PIEZO1: variants seen among roughly 807,000 people sequenced by gnomAD.
The protein encoded by PIEZO1 is piezo type mechanosensitive ion channel component 1 (Er blood group).
A neutral mutation model predicts 297.2 loss-of-function variants in PIEZO1; 296 were observed. The observed-to-expected ratio is 1.00, with a 90% CI of 0.91 to 1.10. The LOEUF is 1.10. Ranked by LOEUF, PIEZO1 falls within the 50% of genes least tolerant of loss-of-function variation. PIEZO1 has a pLI of 0.00. For missense variants in PIEZO1, 5,018 were observed against 3,455.5 expected (o/e 1.45, Z -11.34); for synonymous variants, 2,427 against 1,507.5 (o/e 1.61, Z -14.13).
chr16:88,757,923 C>G (rs1226914972), intron 1 of PIEZO1, among the ~76,000 whole-genome samples: 1 of 152,210 alleles, frequency 6.6e-6, no homozygotes, highest in African/African-American at 2.4e-5. Flanking sequence ...ACAGATTTCA[C>G]AGACTCCAGC....
intron 1 of PIEZO1, among the ~76,000 whole-genome samples, chr16:88,776,029 G>A (rs1015263064): frequency 3.3e-5 from 5 of 152,242 alleles, no homozygotes; most frequent in African/African-American, 9.6e-5. Context: ...GGGGCAGTCG[G>A]GGCCTCAGAG....
chr16:88,784,204 G>A (rs891826263), intron 1 of PIEZO1, among the ~76,000 whole-genome samples: 1 of 152,238 alleles, frequency 6.6e-6, no homozygotes, highest in African/African-American at 2.4e-5. Context: ...CCTGACACCA[G>A]GCCACAGCCT....
rs1434025099 is a variant in PIEZO1 at position 88,715,648 on chromosome 16, C to T, written c.7523G>A (p.Arg2508His). Residue 2508 changes from arginine (R) to histidine (H), a missense_variant, in exon 51 of 51, where the codon CGC becomes CAC. By Grantham distance (29) the Arg-to-His change is conservative (BLOSUM62 0). Transcript: ENST00000301015. ...CCACTTGATCATGGTCTCCGGTGAG[C>T]GGTAGAGGAAGATGAGCTTGGCGTA... Reference protein sequence around the residue: ...ELYAKLIFLYRSPETMIKWTR... With the variant: ...ELYAKLIFLYHSPETMIKWTR... The T allele has an allele frequency of 5.2e-6, 8 of 1,550,134 alleles. No homozygotes were observed. Among genetic ancestry groups the T allele is most frequent in the Non-Finnish European group, 6.1e-6 (7 of 1,146,930 alleles).
chr16:88,722,862 T>G lies in PIEZO1; in HGVS notation c.4643A>C (p.Tyr1548Ser). 1.3e-6 allele frequency: 2 copies of G among 1,547,520 alleles called. No homozygotes were observed. The highest frequency in any genetic ancestry group is 1.7e-4 in the Middle Eastern group (1 of 5,906). Residue 1548 changes from tyrosine (Y) to serine (S), a missense_variant, in exon 34 of 51, where the codon TAC (tyrosine) becomes TCC (serine). Coordinates refer to ENST00000301015, the MANE Select transcript of PIEZO1 (RefSeq NM_001142864.4). ...CTGCAGGAGCTCCTGTGTGAGGAGG[T>G]AGCGCTCTGCCCGCAGCACGTCGCT... The part of the protein sequence containing the change: ...TMSDVLRAER[Y>S]LLTQELLQGG...
Position 88,722,897 on chromosome 16 carries a change from G to C in PIEZO1, c.4608C>G (p.His1536Gln). The change falls in exon 34 of 51, where the codon CAC becomes CAG. Residue 1536 changes from histidine (H) to glutamine (Q), a missense_variant. His to Gln is a conservative substitution (Grantham distance 24, BLOSUM62 0). Transcript: ENST00000301015. ...CCCGCAGCACGTCGCTCATGGTGCC[G>C]TGGTGCCGGGTGAACTCCTGCAGCC... is the stretch of plus-strand genomic sequence containing the variant. ...TRWLQEFTRH[H>Q]GTMSDVLRAE... is the part of the protein sequence containing the mutation. 1 of 1,549,156 alleles carries C rather than the reference G, an allele frequency of 6.5e-7. No homozygotes were observed. Among genetic ancestry groups the C allele is most frequent in the Non-Finnish European group, 8.7e-7 (1 of 1,146,776 alleles).
At chr16:88,782,962 G>C (rs1435032566) in intron 1 of PIEZO1, among the ~76,000 whole-genome samples, 2 of 152,228 alleles carry the variant, frequency 1.3e-5, no homozygotes, top group East Asian at 1.9e-4. Flanking sequence ...GAATCAGTGT[G>C]GGGTATGGCC....
rs531355464 is a variant in PIEZO1, at chr16:88,728,217, G to A, written c.3197-556C>T. 3.7e-3 allele frequency among the ~76,000 whole-genome samples: 560 copies of A among 152,362 alleles called. 3 individuals are homozygous for A. Among genetic ancestry groups the A allele is most frequent in the African/African-American group, 0.01 (417 of 41,592 alleles). ...CCACGTGCTGGGGATGGGAGCGGCCGGGGCCTGCTGGGGAGGGAGCCGTGG... is the reference window on the plus strand; with the variant it reads ...CCACGTGCTGGGGATGGGAGCGGCCAGGGCCTGCTGGGGAGGGAGCCGTGG... On this transcript the variant is annotated intron_variant, in intron 22 of 50. Coordinates refer to ENST00000301015, the MANE Select transcript of PIEZO1 (RefSeq NM_001142864.4).
rs1912279527 is a variant in PIEZO1 at position 88,719,566 on chromosome 16, C to A, written c.6471+8G>T. ...CCTTGTCCCGGCCCCCGCCCTGGGC[C>A]CAGGCACCTTCTCTGTCTCTCGGCT... On this transcript the variant is annotated splice_region_variant and intron_variant, in intron 44 of 50. Coordinates refer to ENST00000301015, the MANE Select transcript of PIEZO1 (RefSeq NM_001142864.4). 6.5e-7 allele frequency: 1 copy of A among 1,550,338 alleles called. No individual in the cohort carries two copies. Among genetic ancestry groups the A allele is most frequent in the Non-Finnish European group, 8.7e-7 (1 of 1,146,804 alleles).
At chr16:88,741,266 T>C (rs1905634222) in intron 5 of PIEZO1, 2 of 519,314 alleles carry the variant, frequency 3.9e-6, no homozygotes, top group African/African-American at 1.9e-5. Flanking sequence ...GGTTTCTGAC[T>C]AGAGGCAGAG....
At chr16:88,770,461 G>C (rs1020565029) in intron 1 of PIEZO1, among the ~76,000 whole-genome samples, 4 of 152,200 alleles carry the variant, frequency 2.6e-5, no homozygotes, top group African/African-American at 9.7e-5. Flanking sequence ...AGGATGGCAC[G>C]GTGAAGAGTC....
rs985069774 is a variant in PIEZO1, at chr16:88,736,118, G to T, written c.1557+30C>A. 2.6e-6 allele frequency: 4 copies of T among 1,520,612 alleles called. No homozygotes were observed. Among genetic ancestry groups the T allele is most frequent in the Non-Finnish European group, 3.5e-6 (4 of 1,129,510 alleles). The allele number at this position is 1,520,612 out of a possible 1,614,324, so 94.2% of individuals were successfully genotyped here. ...AACCCTGATGGGTCTGCGCACCCAG[G>T]CACCCCCGGATGTGGTGGTGCACAC... On this transcript the variant is annotated intron_variant, in intron 12 of 50. Coordinates refer to ENST00000301015, the MANE Select transcript of PIEZO1 (RefSeq NM_001142864.4).
chr16:88,763,515 T>C (rs1907023878), intron 1 of PIEZO1, among the ~76,000 whole-genome samples: 1 of 152,080 alleles, frequency 6.6e-6, no homozygotes, highest in Admixed American at 6.5e-5. Context: ...TCATCCCGAT[T>C]TAAAAAACAA....
Position 88,784,895 on chromosome 16 carries a change from A to C in PIEZO1, c.64+6T>G, listed in dbSNP as rs1344691678. The C allele has an allele frequency of 1.4e-6, 2 of 1,430,570 alleles. No homozygotes were observed. The highest frequency in any genetic ancestry group is 2.4e-5 in the Admixed American group (1 of 41,416). 88.6% of individuals were successfully genotyped at this position (1,430,570 alleles called of 1,614,324 possible). A position where few individuals can be genotyped will look rare whatever the true frequency, so the allele number is the denominator to read the frequency against. ...CGTCGCCCCCAGGCGCCCGCCCCCC[A>C]CTCACCAGCCAGCAGCGCGCAGGGC... On this transcript the variant is annotated splice_donor_region_variant and intron_variant, in intron 1 of 50. Coordinates refer to ENST00000301015, the MANE Select transcript of PIEZO1 (RefSeq NM_001142864.4).
rs150214594 is a variant in PIEZO1 at position 88,720,460 on chromosome 16, G to T, written c.5874C>A (p.Thr1958=). The change falls in exon 41 of 51, where the codon ACC becomes ACA. Residue 1958 remains threonine, a synonymous_variant. Coordinates refer to ENST00000301015, the MANE Select transcript of PIEZO1 (RefSeq NM_001142864.4). ...DILHTKYRAA[T]DVYALMFLAD... is the part of the protein sequence containing the mutation. ...CCAGGAACATGAGGGCATAGACGTC[G>T]GTGGCTGCGCGGTACTTGGTGTGCA... The T allele has an allele frequency of 6.4e-7, 1 of 1,550,486 alleles. No individual in the cohort carries two copies. The highest frequency in any genetic ancestry group is 2.4e-5 in the East Asian group (1 of 40,914).
In PIEZO1 at chr16:88,752,511, C is replaced by T. The variant is rs117613831; in HGVS notation, c.65-3032G>A. Among the ~76,000 whole-genome samples the T allele has an allele frequency of 6.1e-3, 934 of 152,242 alleles. 4 individuals carry two copies. The highest frequency in any genetic ancestry group is 0.01 in the Non-Finnish European group (692 of 68,014). On this transcript the variant is annotated intron_variant, in intron 1 of 50. Coordinates refer to ENST00000301015, the MANE Select transcript of PIEZO1 (RefSeq NM_001142864.4). Reference sequence around the variant, plus strand: ...CAAAGCTTTATGGATGTATATTTTGCCAGAATAAAAAAATAACCAGCCCTG... The same window carrying T: ...CAAAGCTTTATGGATGTATATTTTGTCAGAATAAAAAAATAACCAGCCCTG...
chr16:88,783,872 C>A (rs1443664617), intron 1 of PIEZO1, among the ~76,000 whole-genome samples: 2 of 152,258 alleles, frequency 1.3e-5, no homozygotes, highest in Non-Finnish European at 2.9e-5. Flanking sequence ...GCTGGGCGAG[C>A]TCCCACCTGG....
chr16:88,762,915 T>A (rs1906996085), intron 1 of PIEZO1, among the ~76,000 whole-genome samples: 1 of 152,132 alleles, frequency 6.6e-6, no homozygotes, highest in Non-Finnish European at 1.5e-5. Flanking sequence ...CAGTCCCCAA[T>A]ACGCCCGAGC....
rs1444559985 is a variant in PIEZO1 at position 88,721,944 on chromosome 16, A to T, written c.5078T>A (p.Phe1693Tyr). 2.6e-6 allele frequency: 4 copies of T among 1,550,038 alleles called. No individual in the cohort carries two copies. In the African/African-American group the frequency reaches 5.5e-5, roughly 21 times the overall value. ...VAAHSELLCY[F>Y]IIILNHMVTA... ...GACCATGTGGTTGAGGATGATGATGAAGTAGCAGAGCAGCTCCGAGTGGGC... is the reference window on the plus strand; with the variant it reads ...GACCATGTGGTTGAGGATGATGATGTAGTAGCAGAGCAGCTCCGAGTGGGC... Residue 1693 changes from phenylalanine to tyrosine, a missense_variant, in exon 37 of 51, where the codon TTC becomes TAC. Physicochemically the swap from Phe to Tyr is conservative, Grantham distance 22 (BLOSUM62 3). Transcript: ENST00000301015.
intron 44 of PIEZO1, chr16:88,717,423 G>A (rs1597440742): frequency 1.6e-6 from 1 of 644,788 alleles, no homozygotes; most frequent in Non-Finnish European, 2.8e-6. Flanking sequence ...TCTTAGACAA[G>A]GGAGCTGTGA....
Sources: allele counts gnomAD v4.1 joint callset (sites outside exome capture counted in the v4.1 genomes callset), GRCh38; gene constraint gnomAD v4.1.1; transcripts MANE v1.5; gene names NCBI Gene and HGNC (gene_info 2026-07-23, HGNC 2026-07-21).